Variants in SLC25A26 observed in about 807,000 individuals in gnomAD.
SLC25A26 encodes the protein mitochondrial S-adenosylmethionine carrier protein.
SLC25A26 carries 36 observed loss-of-function variants against 37.8 expected under a neutral mutation model. The ratio of observed to expected loss-of-function variants is 0.95; its 90% CI spans 0.73 to 1.26. The LOEUF is 1.26. Among genes scored for constraint, SLC25A26 ranks in the 50% most tolerant of loss-of-function variants. The probability of loss-of-function intolerance (pLI) is 0.00; values close to 1 mark genes in which losing one functional copy is unlikely to be tolerated. For synonymous variants in SLC25A26, 129 were observed against 122.5 expected, an observed-to-expected ratio of 1.05 and a Z score of -0.35; for missense variants, 390 against 331.1, an observed-to-expected ratio of 1.18 and a Z score of -1.38.
At chr3:66,346,215 T>C in intron 5 of SLC25A26, 149 bp from the exon 6 acceptor site, 1 of 451,408 alleles carries the variant, frequency 2.2e-6, no homozygotes, top group Non-Finnish European at 3.9e-6. Context: ...TTAACTCTTT[T>C]TCTAAACATT....
At chr3:66,358,227 A>G (rs1046229430) in intron 6 of SLC25A26, among the ~76,000 whole-genome samples, 11 of 152,308 alleles carry the variant, frequency 7.2e-5, no homozygotes, top group Middle Eastern at 3.4e-3. Flanking sequence ...AAATATTTCC[A>G]TAATTTATGT....
At position 66,208,662 on chromosome 3, in the gene SLC25A26, G is replaced by GTATATATA. The variant is rs1199617173; in HGVS notation, c.-353-12071_-353-12064dup. Among the ~76,000 whole-genome samples, 201 of 118,382 alleles carry GTATATATA rather than the reference G, an allele frequency of 1.7e-3. 1 individual carries two copies. The highest frequency in any genetic ancestry group is 0.014 in the Middle Eastern group (2 of 148). 77.7% of individuals were successfully genotyped at this position (118,382 alleles called of 152,430 possible). On this transcript the variant is annotated intron_variant, in intron 1 of 10. Transcript: ENST00000676754. ...TATATACACACACACCTTTATATGG[G>GTATATATA]TATATATATATATATACACATTTAT...
At chr3:66,229,649 C>G (rs2071917356) in intron 1 of SLC25A26, among the ~76,000 whole-genome samples, 1 of 152,232 alleles carries the variant, frequency 6.6e-6, no homozygotes, top group Non-Finnish European at 1.5e-5. Flanking sequence ...AACTAAACCT[C>G]TTTTCTTTAT....
At chr3:66,282,863 C>G (rs530970426) in intron 5 of SLC25A26, among the ~76,000 whole-genome samples, 1 of 152,192 alleles carries the variant, frequency 6.6e-6, no homozygotes, top group South Asian at 2.1e-4. Flanking sequence ...CTGCTTCCTA[C>G]TGCTGGCAAC....
At chr3:66,287,596 A>T (rs952481056) in intron 5 of SLC25A26, among the ~76,000 whole-genome samples, 3 of 152,198 alleles carry the variant, frequency 2.0e-5, no homozygotes, top group Admixed American at 6.5e-5. Flanking sequence ...ATTAGTTTTT[A>T]AAATTCTTGC....
At chr3:66,186,545 T>G (rs2070831587) in intron 1 of SLC25A26, among the ~76,000 whole-genome samples, 1 of 152,074 alleles carries the variant, frequency 6.6e-6, no homozygotes, top group African/African-American at 2.4e-5. Flanking sequence ...ACCCTGACAC[T>G]GACCCTTAAC....
At chr3:66,291,796 T>TC (rs2074719370) in intron 5 of SLC25A26, among the ~76,000 whole-genome samples, 1 of 152,212 alleles carries the variant, frequency 6.6e-6, no homozygotes, top group Non-Finnish European at 1.5e-5. Context: ...GGTGGAGAGT[T>TC]CTGTAGATGT....
intron 1 of SLC25A26, among the ~76,000 whole-genome samples, chr3:66,197,989 A>G (rs2071066815): frequency 6.6e-6 from 1 of 152,088 alleles, no homozygotes; most frequent in Non-Finnish European, 1.5e-5. Flanking sequence ...CATAAGGATA[A>G]GGTTAAGGGT....
intron 1 of SLC25A26, among the ~76,000 whole-genome samples, chr3:66,197,680 G>C (rs1293267930): frequency 1.3e-5 from 2 of 152,078 alleles, no homozygotes; most frequent in Admixed American, 6.6e-5. Flanking sequence ...GTCAGAGGTG[G>C]GTGAGTTTGC....
chr3:66,231,920 G>A (rs1352476046), intron 1 of SLC25A26, among the ~76,000 whole-genome samples: 2 of 152,066 alleles, frequency 1.3e-5, no homozygotes, highest in African/African-American at 4.8e-5. Flanking sequence ...ACAGACATGA[G>A]CCACTGCACC....
chr3:66,282,874 T>G (rs1418763723), intron 5 of SLC25A26, among the ~76,000 whole-genome samples: 1 of 152,184 alleles, frequency 6.6e-6, no homozygotes, highest in African/African-American at 2.4e-5. Context: ...TGCTGGCAAC[T>G]TTAGCGATCT....
chr3:66,301,839 A>C (rs1354513332), intron 5 of SLC25A26, among the ~76,000 whole-genome samples: 4 of 152,166 alleles, frequency 2.6e-5, no homozygotes, highest in Admixed American at 6.5e-5. Context: ...CTGGATTCAA[A>C]TCCCAGCTCC....
At chr3:66,299,252 C>T (rs1166096558) in intron 5 of SLC25A26, among the ~76,000 whole-genome samples, 1 of 152,122 alleles carries the variant, frequency 6.6e-6, no homozygotes, top group African/African-American at 2.4e-5. Flanking sequence ...AGTGCAGTGG[C>T]ACAGTCTCGA....
At chr3:66,189,591 T>G (rs935411161) in intron 1 of SLC25A26, among the ~76,000 whole-genome samples, 20 of 152,376 alleles carry the variant, frequency 1.3e-4, no homozygotes, top group African/African-American at 4.1e-4. Context: ...GATTTCTTAC[T>G]GTTCTCAATA....
At position 66,369,536 on chromosome 3, in the gene SLC25A26, G is replaced by C. The variant is rs757188243; in HGVS notation, c.627G>C (p.Leu209=). Residue 209 remains leucine, a synonymous_variant, in exon 8 of 10, where the codon CTG becomes CTC. Coordinates refer to ENST00000354883, the MANE Select transcript of SLC25A26 (RefSeq NM_001379210.1). ...PLDVAKTRIT[L]AKAGSSTADG... Reference sequence around the variant, plus strand: ...ACGTGGCAAAGACAAGAATTACGCTGGCAAAGGTAAGTGGTGAAATAATGT... The same window carrying C: ...ACGTGGCAAAGACAAGAATTACGCTCGCAAAGGTAAGTGGTGAAATAATGT... 11 of 1,595,886 alleles carry C rather than the reference G, an allele frequency of 6.9e-6. No homozygotes were observed. The South Asian group carries it at 1.1e-4, about 17-fold the overall frequency.
At chr3:66,144,805 T>C (rs2070090281) in intron 1 of SLC25A26, among the ~76,000 whole-genome samples, 1 of 152,226 alleles carries the variant, frequency 6.6e-6, no homozygotes, top group Non-Finnish European at 1.5e-5. Flanking sequence ...TCTTTTTATT[T>C]CTTTAAGCAT....
intron 1 of SLC25A26, among the ~76,000 whole-genome samples, chr3:66,147,397 G>T (rs1208689829): frequency 1.3e-5 from 2 of 151,426 alleles, no homozygotes; most frequent in African/African-American, 4.9e-5. Context: ...TCCTGGCTTC[G>T]AGTGATCCAC....
intron 3 of SLC25A26, among the ~76,000 whole-genome samples, chr3:66,251,182 TGCCTGCTATA>T (rs1193422340): frequency 5.3e-5 from 8 of 152,142 alleles, no homozygotes; most frequent in African/African-American, 1.9e-4. Flanking sequence ...TATAGGGCCT[TGCCTGCTATA>T]GTAAGGAGTT....
intron 8 of SLC25A26, 27 bp from the exon 9 acceptor site, chr3:66,370,501 AC>A (rs1265485398): frequency 6.3e-7 from 1 of 1,597,848 alleles, no homozygotes; most frequent in South Asian, 1.1e-5. Context: ...TCAGAAGATA[AC>A]GGGTTTCTCT....
Sources: gnomAD v4.1 joint callset for allele counts (sites outside exome capture counted in the v4.1 genomes callset) on GRCh38, gnomAD v4.1.1 for gene constraint, MANE v1.5 for transcripts, NCBI Gene and HGNC (gene_info 2026-07-23, HGNC 2026-07-21) for gene names.